Variants in PPP4R2 observed in about 807,000 individuals in gnomAD.
PPP4R2 encodes protein phosphatase 4 regulatory subunit 2.
Under a neutral mutation model 47.2 loss-of-function variants are expected in PPP4R2, and 13 were observed. The observed-to-expected ratio is 0.28, with a 90% CI of 0.18 to 0.44. The LOEUF (loss-of-function observed/expected upper bound fraction) is 0.44, where lower values mean the gene tolerates loss of function less well. Ranked by LOEUF, PPP4R2 falls within the 20% of genes least tolerant of loss-of-function variation. The probability of loss-of-function intolerance (pLI) is 1.00; values close to 1 mark genes in which losing one functional copy is unlikely to be tolerated. For missense variants in PPP4R2, 421 were observed against 491.2 expected (o/e 0.86, Z 1.35); for synonymous variants, 151 against 163.3 (o/e 0.92, Z 0.57).
At chr3:73,063,945 C>A in intron 6 of PPP4R2, 58 bp from the exon 7 acceptor site, 1 of 1,483,922 alleles carries the variant, frequency 6.7e-7, no homozygotes, top group Non-Finnish European at 9.2e-7. Flanking sequence ...ATCAACATAC[C>A]TTAAGAGGGA....
intron 2 of PPP4R2, among the ~76,000 whole-genome samples, chr3:73,021,656 T>G (rs2107253815): frequency 6.6e-6 from 1 of 152,244 alleles, no homozygotes; most frequent in Middle Eastern, 3.4e-3. Flanking sequence ...TTTGTGTAAT[T>G]CCTGATTTTA....
Position 73,053,013 on chromosome 3 carries a change from C to T in PPP4R2, c.287+5657C>T, listed in dbSNP as rs373612413. ...TTCAGTTTGTGTGTTGTTTGCTTTA[C>T]GGTTAGCTCCAGATGATTCAGGGAC... On this transcript the variant is annotated intron_variant, in intron 3 of 8. Transcript: ENST00000356692. Among the ~76,000 whole-genome samples, 14 of 152,318 alleles carry T rather than the reference C, an allele frequency of 9.2e-5. 1 individual carries two copies. The East Asian group carries it at 2.3e-3, about 25-fold the overall frequency.
chr3:73,001,124 G>A (rs551420061), intron 2 of PPP4R2, among the ~76,000 whole-genome samples: 5 of 151,984 alleles, frequency 3.3e-5, no homozygotes, highest in Admixed American at 6.6e-5. Context: ...CTTTTAGTGG[G>A]AAATGGCATT....
intron 5 of PPP4R2, chr3:73,061,984 T>C (rs1702868595): frequency 2.5e-6 from 2 of 812,606 alleles, no homozygotes; most frequent in African/African-American, 1.8e-5. Flanking sequence ...TGATAAAAAT[T>C]TCTTTTATGA....
chr3:73,060,628 A>G (rs1318248105), intron 4 of PPP4R2, among the ~76,000 whole-genome samples: 1 of 152,226 alleles, frequency 6.6e-6, no homozygotes, highest in African/African-American at 2.4e-5. Context: ...ATGCAACACA[A>G]CAAGCCGTGG....
intron 2 of PPP4R2, among the ~76,000 whole-genome samples, chr3:73,015,410 C>T (rs1701805723): frequency 6.6e-6 from 1 of 151,570 alleles, no homozygotes; most frequent in Non-Finnish European, 1.5e-5. Flanking sequence ...CTCCTGGCCT[C>T]AAGTAATCCA....
chr3:73,019,705 TA>T (rs1386432614), intron 2 of PPP4R2, among the ~76,000 whole-genome samples: 1 of 152,150 alleles, frequency 6.6e-6, no homozygotes, highest in Admixed American at 6.6e-5. Flanking sequence ...CTTTAGAAAA[TA>T]ATAGAAATTA....
chr3:73,004,871 T>TGTGTGTG (rs1491041581), intron 2 of PPP4R2, among the ~76,000 whole-genome samples: 3 of 46,462 alleles, frequency 6.5e-5, no homozygotes, highest in South Asian at 4.2e-4. Flanking sequence ...GTGTGTGTGT[T>TGTGTGTG]TGTTTGTTTG....
chr3:73,005,162 C>G (rs1454958927), intron 2 of PPP4R2, among the ~76,000 whole-genome samples: 4 of 152,032 alleles, frequency 2.6e-5, no homozygotes. Flanking sequence ...AGGCTGGTCT[C>G]AAACTCTTGA....
chr3:73,055,303 C>T (rs1376853810), intron 3 of PPP4R2, among the ~76,000 whole-genome samples: 4 of 151,940 alleles, frequency 2.6e-5, no homozygotes, highest in African/African-American at 7.3e-5. Context: ...CGTATTTAGT[C>T]GTCATGATAA....
intron 5 of PPP4R2, chr3:73,063,013 A>G: frequency 2.0e-6 from 2 of 992,072 alleles, no homozygotes; most frequent in Non-Finnish European, 3.0e-6. Flanking sequence ...CCAGTCTTTG[A>G]GGAGAAAAAA....
intron 2 of PPP4R2, among the ~76,000 whole-genome samples, chr3:73,002,629 C>CTTTCT (rs1701496334): frequency 3.6e-5 from 3 of 83,002 alleles, no homozygotes; most frequent in Non-Finnish European, 7.2e-5. Flanking sequence ...CTTTTCTTTT[C>CTTTCT]TTTTCTTTTT....
intron 2 of PPP4R2, among the ~76,000 whole-genome samples, chr3:73,022,378 A>G (rs1032061573): frequency 1.3e-5 from 2 of 152,262 alleles, no homozygotes; most frequent in Admixed American, 6.5e-5. Context: ...GATGAGGTAT[A>G]TAGAAGGTCA....
At chr3:73,048,037 C>T (rs746111439) in intron 3 of PPP4R2, among the ~76,000 whole-genome samples, 4 of 152,106 alleles carry the variant, frequency 2.6e-5, no homozygotes, top group South Asian at 2.1e-4. Context: ...CCACCACACC[C>T]GGCTAATTTT....
intron 5 of PPP4R2, chr3:73,061,795 T>TC (rs1702863954): frequency 3.0e-6 from 1 of 333,870 alleles, no homozygotes; most frequent in Non-Finnish European, 5.5e-6. Context: ...AGCCTTAAAC[T>TC]CTAGTGATCC....
At chr3:73,043,347 T>G (rs150401220) in intron 2 of PPP4R2, among the ~76,000 whole-genome samples, 1 of 152,146 alleles carries the variant, frequency 6.6e-6, no homozygotes, top group African/African-American at 2.4e-5. Flanking sequence ...AATTCCCCTT[T>G]CTAAAATAGG....
At chr3:73,053,960 T>C (rs1702675327) in intron 3 of PPP4R2, among the ~76,000 whole-genome samples, 1 of 150,286 alleles carries the variant, frequency 6.7e-6, no homozygotes, top group Non-Finnish European at 1.5e-5. Context: ...CATAAGATTA[T>C]ATGTGTATGA....
At chr3:73,030,286 C>A (rs1387698435) in intron 2 of PPP4R2, among the ~76,000 whole-genome samples, 1 of 152,234 alleles carries the variant, frequency 6.6e-6, no homozygotes, top group East Asian at 1.9e-4. Flanking sequence ...ATGGATAGTT[C>A]CATCTATGAT....
At chr3:73,056,109 T>C (rs1023353474) in intron 3 of PPP4R2, among the ~76,000 whole-genome samples, 2 of 152,238 alleles carry the variant, frequency 1.3e-5, no homozygotes, top group Non-Finnish European at 2.9e-5. Context: ...TTTTGTATGC[T>C]ATGTCTAATG....
Sources: allele counts gnomAD v4.1 joint callset (sites outside exome capture counted in the v4.1 genomes callset), GRCh38; gene constraint gnomAD v4.1.1; transcripts MANE v1.5; gene names NCBI Gene and HGNC (gene_info 2026-07-23, HGNC 2026-07-21).